Variants in PEX7 observed in about 807,000 individuals in gnomAD.
PEX7 encodes peroxisomal biogenesis factor 7, also known as PTS2 receptor.
A neutral mutation model predicts 47.5 loss-of-function variants in PEX7; 34 were observed. That is an observed-to-expected ratio of 0.72 (90% CI 0.54 to 0.95). The LOEUF is 0.95. PEX7 is among the 40% of genes least tolerant of loss of function. PEX7 has a pLI of 0.00. For missense variants in PEX7, 394 were observed against 400.3 expected, an observed-to-expected ratio of 0.98 and a Z score of 0.13; for synonymous variants, 141 against 148.8, an observed-to-expected ratio of 0.95 and a Z score of 0.38.
chr6:136,830,877 A>T (rs1018481054), intron 3 of PEX7, among the ~76,000 whole-genome samples: 1 of 151,956 alleles, frequency 6.6e-6, no homozygotes, highest in African/African-American at 2.4e-5. Flanking sequence ...AATTTTTATA[A>T]CATATTTGAT....
chr6:136,843,468 G>A (rs1005384407), intron 3 of PEX7, among the ~76,000 whole-genome samples: 2 of 152,110 alleles, frequency 1.3e-5, no homozygotes. Context: ...GCATTCATTC[G>A]GTATTGACTA....
Position 136,850,430 on chromosome 6 carries a change from G to A in PEX7, c.526+4249G>A, listed in dbSNP as rs1186793966. Among the ~76,000 whole-genome samples the A allele has an allele frequency of 2.0e-5, 3 of 152,284 alleles. No homozygotes were observed. In the East Asian group the frequency reaches 5.8e-4, roughly 29 times the overall value. On this transcript the variant is annotated intron_variant, in intron 5 of 9. Transcript: ENST00000318471. ...TGTTAGCTGGTTATTTTGCTCGTTA[G>A]TTGATGCAGTTTCTTCCTAGCCTCG...
chr6:136,824,457 C>T (rs111306271), intron 1 of PEX7, among the ~76,000 whole-genome samples: 1 of 152,146 alleles, frequency 6.6e-6, no homozygotes, highest in Non-Finnish European at 1.5e-5. Context: ...CCTGCCTTGG[C>T]CTCCCAAAGT....
chr6:136,897,627 A>G (rs1775674570), intron 8 of PEX7, among the ~76,000 whole-genome samples: 3 of 152,236 alleles, frequency 2.0e-5, no homozygotes, highest in Admixed American at 1.3e-4. Context: ...AGAGATTTTC[A>G]TAAGAGAACA....
chr6:136,876,386 C>T (rs141470406), intron 8 of PEX7, among the ~76,000 whole-genome samples: 15 of 152,192 alleles, frequency 9.9e-5, no homozygotes, highest in African/African-American at 3.1e-4. Flanking sequence ...ATGTGCAGAA[C>T]GTGCAGGTTT....
chr6:136,867,837 A>T (rs1775101841), intron 6 of PEX7, among the ~76,000 whole-genome samples: 1 of 152,190 alleles, frequency 6.6e-6, no homozygotes, highest in African/African-American at 2.4e-5. Context: ...TATGAAGCAA[A>T]AAATTACAGT....
intron 5 of PEX7, among the ~76,000 whole-genome samples, chr6:136,852,538 C>T (rs1214274160): frequency 7.2e-5 from 2 of 27,932 alleles, no homozygotes; most frequent in Non-Finnish European, 1.5e-4. Context: ...AGAGCCAAAT[C>T]ATGAGTGAAC....
At chr6:136,830,251 T>C (rs942351679) in intron 3 of PEX7, 3 of 502,592 alleles carry the variant, frequency 6.0e-6, no homozygotes, top group Admixed American at 7.4e-5. Context: ...TGAATAAATA[T>C]GAGCTAGTAT....
intron 3 of PEX7, among the ~76,000 whole-genome samples, chr6:136,837,425 T>A (rs1225069469): frequency 6.7e-6 from 1 of 148,718 alleles, no homozygotes; most frequent in Non-Finnish European, 1.5e-5. Context: ...AATAAAGAAG[T>A]AGAAGCGATC....
In PEX7 at chr6:136,882,058, A is replaced by G. The variant is rs118050401; in HGVS notation, c.803+9805A>G. On this transcript the variant is annotated intron_variant, in intron 8 of 9. Transcript: ENST00000318471. Reference sequence around the variant, plus strand: ...CAGGTTTCTTTTATTAATGTGTAATATGGCAACTAGTGATATCTGTGCTCA... The same window carrying G: ...CAGGTTTCTTTTATTAATGTGTAATGTGGCAACTAGTGATATCTGTGCTCA... Among the ~76,000 whole-genome samples the G allele has an allele frequency of 3.6e-3, 555 of 152,218 alleles. 14 individuals carry two copies. In the South Asian group the frequency reaches 0.041, roughly 11 times the overall value.
chr6:136,850,255 T>C (rs1774716329), intron 5 of PEX7, among the ~76,000 whole-genome samples: 1 of 152,190 alleles, frequency 6.6e-6, no homozygotes, highest in African/African-American at 2.4e-5. Context: ...TATGTGTCTC[T>C]GCACGTGAGA....
At chr6:136,888,550 C>T (rs367743767) in intron 8 of PEX7, among the ~76,000 whole-genome samples, 1 of 152,062 alleles carries the variant, frequency 6.6e-6, no homozygotes, top group East Asian at 1.9e-4. Flanking sequence ...CTTTTAAGAA[C>T]GGGAATATTT....
intron 9 of PEX7, among the ~76,000 whole-genome samples, chr6:136,899,136 A>G (rs913497073): frequency 7.6e-6 from 1 of 132,038 alleles, no homozygotes; most frequent in Non-Finnish European, 1.5e-5. Context: ...GCTGGAGTGC[A>G]GTGGTGCAAT....
chr6:136,870,839 GGTGT>G, intron 7 of PEX7: 1 of 303,322 alleles, frequency 3.3e-6, no homozygotes, highest in Non-Finnish European at 6.5e-6. Context: ...TGGGACTACA[GGTGT>G]GCACCACCAT....
intron 3 of PEX7, among the ~76,000 whole-genome samples, chr6:136,844,451 A>T (rs1274805295): frequency 6.6e-6 from 1 of 152,152 alleles, no homozygotes; most frequent in Admixed American, 6.5e-5. Flanking sequence ...TCCTACAGTC[A>T]AGCTAATTAA....
chr6:136,878,852 C>G (rs1775324842), intron 8 of PEX7, among the ~76,000 whole-genome samples: 1 of 143,294 alleles, frequency 7.0e-6, no homozygotes, highest in African/African-American at 2.6e-5. Flanking sequence ...GTGTGATGTG[C>G]TTTTTTGTTG....
At chr6:136,879,176 C>T (rs1775331582) in intron 8 of PEX7, among the ~76,000 whole-genome samples, 1 of 151,638 alleles carries the variant, frequency 6.6e-6, no homozygotes, top group Non-Finnish European at 1.5e-5. Flanking sequence ...TACTTAGTTT[C>T]TACCTTTGTT....
intron 9 of PEX7, among the ~76,000 whole-genome samples, chr6:136,904,423 C>T (rs1057278150): frequency 1.3e-5 from 2 of 152,118 alleles, no homozygotes; most frequent in Non-Finnish European, 2.9e-5. Context: ...CTGCCCTCTG[C>T]ACTACATAGA....
rs1306941707 is a variant in PEX7 at position 136,822,688 on chromosome 6, C to A, written c.23C>A (p.Ala8Glu). Residue 8 changes from alanine to glutamate, a missense_variant, in exon 1 of 10, where the codon GCG (alanine) becomes GAG (glutamate). By Grantham distance (107) the Ala-to-Glu change is moderately radical (BLOSUM62 -1). Coordinates refer to ENST00000318471, the MANE Select transcript of PEX7 (RefSeq NM_000288.4). MSAVCGG[A>E]ARMLRTPGRH... is the part of the protein sequence containing the mutation. Reference sequence around the variant, plus strand: ...GGGATGAGTGCGGTGTGCGGTGGAGCGGCGCGGATGCTGCGGACGCCGGGA... The same window carrying A: ...GGGATGAGTGCGGTGTGCGGTGGAGAGGCGCGGATGCTGCGGACGCCGGGA... 6.6e-7 allele frequency: 1 copy of A among 1,521,452 alleles called. No individual in the cohort carries two copies. Among genetic ancestry groups the A allele is most frequent in the Non-Finnish European group, 8.8e-7 (1 of 1,140,940 alleles). The allele number at this position is 1,521,452 out of a possible 1,614,324, so 94.2% of individuals were successfully genotyped here. A position where few individuals can be genotyped will look rare whatever the true frequency, so the allele number is the denominator to read the frequency against.
Sources: gnomAD v4.1 joint callset for allele counts (sites outside exome capture counted in the v4.1 genomes callset) on GRCh38, gnomAD v4.1.1 for gene constraint, MANE v1.5 for transcripts, NCBI Gene and HGNC (gene_info 2026-07-23, HGNC 2026-07-21) for gene names.